Variants in FRMD5 observed in about 807,000 individuals in gnomAD.
The protein encoded by FRMD5 is FERM domain-containing protein 5.
A neutral mutation model predicts 69.0 loss-of-function variants in FRMD5; 20 were observed. That is an observed-to-expected ratio of 0.29 (90% CI 0.20 to 0.42). The LOEUF (loss-of-function observed/expected upper bound fraction) is 0.42. Ranked by LOEUF, FRMD5 falls within the 10% of genes least tolerant of loss-of-function variation. FRMD5 has a pLI of 1.00. For missense variants in FRMD5, 595 were observed against 708.6 expected, an observed-to-expected ratio of 0.84 and a Z score of 1.82; for synonymous variants, 271 against 260.1, an observed-to-expected ratio of 1.04 and a Z score of -0.40.
chr15:43,955,961 C>CT (rs1408450281), intron 1 of FRMD5, among the ~76,000 whole-genome samples: 1 of 152,086 alleles, frequency 6.6e-6, no homozygotes, highest in African/African-American at 2.4e-5. Context: ...GGCTAAGTAA[C>CT]TAGTACATGC....
intron 1 of FRMD5, among the ~76,000 whole-genome samples, chr15:44,176,899 C>G (rs1168001730): frequency 6.7e-6 from 1 of 149,392 alleles, no homozygotes; most frequent in Admixed American, 6.7e-5. Flanking sequence ...CTAACCTGCA[C>G]ATTGTGCACA....
chr15:44,188,948 G>T (rs974553047), intron 1 of FRMD5, among the ~76,000 whole-genome samples: 4 of 152,076 alleles, frequency 2.6e-5, no homozygotes, highest in Middle Eastern at 3.4e-3. Flanking sequence ...AAGGGTGGGG[G>T]GTTGAAAGCT....
At chr15:43,877,747 T>G (rs964509900) in intron 13 of FRMD5, among the ~76,000 whole-genome samples, 2 of 152,266 alleles carry the variant, frequency 1.3e-5, no homozygotes, top group East Asian at 3.8e-4. Flanking sequence ...CTTTCATCTT[T>G]TTAAAGCACT....
At chr15:44,085,737 C>G (rs1894171256) in intron 1 of FRMD5, among the ~76,000 whole-genome samples, 1 of 152,044 alleles carries the variant, frequency 6.6e-6, no homozygotes, top group African/African-American at 2.4e-5. Context: ...TTTGAGGTAA[C>G]CAAACCTGAG....
chr15:44,042,700 C>A (rs974536563), intron 1 of FRMD5, among the ~76,000 whole-genome samples: 1 of 152,178 alleles, frequency 6.6e-6, no homozygotes, highest in African/African-American at 2.4e-5. Context: ...TCAATAGATG[C>A]AGAAAAGGCC....
chr15:44,073,079 A>C (rs986334894), intron 1 of FRMD5, among the ~76,000 whole-genome samples: 15 of 152,176 alleles, frequency 9.9e-5, no homozygotes, highest in African/African-American at 3.1e-4. Flanking sequence ...GGTTAGAGTG[A>C]GCTATTGATC....
At chr15:44,176,996 T>C (rs1414451320) in intron 1 of FRMD5, among the ~76,000 whole-genome samples, 1 of 140,600 alleles carries the variant, frequency 7.1e-6, no homozygotes, top group African/African-American at 2.7e-5. Context: ...AGGCAGACAA[T>C]AGTGAGGATT....
intron 1 of FRMD5, among the ~76,000 whole-genome samples, chr15:44,120,025 T>G (rs2076924663): frequency 6.6e-6 from 1 of 152,158 alleles, no homozygotes; most frequent in Non-Finnish European, 1.5e-5. Context: ...GTCCCAGAGA[T>G]GTACAGATAG....
At chr15:43,922,073 C>T (rs1015383458) in intron 2 of FRMD5, among the ~76,000 whole-genome samples, 2 of 152,226 alleles carry the variant, frequency 1.3e-5, no homozygotes, top group African/African-American at 4.8e-5. Flanking sequence ...CATTTCCCTA[C>T]AACCCTCAGT....
intron 1 of FRMD5, among the ~76,000 whole-genome samples, chr15:44,159,693 G>C (rs1002449166): frequency 2.0e-5 from 3 of 152,178 alleles, no homozygotes; most frequent in African/African-American, 7.2e-5. Flanking sequence ...TTCTTGCTTT[G>C]ATCTGCCAAG....
intron 1 of FRMD5, among the ~76,000 whole-genome samples, chr15:44,167,141 C>T (rs1225788638): frequency 6.6e-6 from 1 of 152,100 alleles, no homozygotes; most frequent in Non-Finnish European, 1.5e-5. Context: ...ATATTGGCTG[C>T]CCAGAGCGCT....
At chr15:44,152,922 T>C (rs2077469648) in intron 1 of FRMD5, among the ~76,000 whole-genome samples, 1 of 151,972 alleles carries the variant, frequency 6.6e-6, no homozygotes, top group African/African-American at 2.4e-5. Context: ...TAGACATTTC[T>C]TCAAAGAAGA....
At position 44,038,704 on chromosome 15, in the gene FRMD5, C is replaced by T. The variant is rs974570937; in HGVS notation, c.103-114395G>A. On this transcript the variant is annotated intron_variant, in intron 1 of 13. Transcript: ENST00000417257. ...GACAGTGGGTGCAGCCCACAGAGGGCGAGCTGAAGCAGGGTGGGGCATTGC... is the reference window on the plus strand; with the variant it reads ...GACAGTGGGTGCAGCCCACAGAGGGTGAGCTGAAGCAGGGTGGGGCATTGC... Among the ~76,000 whole-genome samples the T allele has an allele frequency of 8.6e-5, 13 of 151,706 alleles. No homozygotes were observed. In the East Asian group the frequency reaches 9.7e-4, roughly 11 times the overall value.
chr15:44,033,257 G>A (rs1038295987), intron 1 of FRMD5, among the ~76,000 whole-genome samples: 2 of 152,092 alleles, frequency 1.3e-5, no homozygotes, highest in African/African-American at 4.8e-5. Context: ...AGGATGCGAG[G>A]AGAGAAAGGA....
At chr15:43,990,417 T>C (rs1476061311) in intron 1 of FRMD5, among the ~76,000 whole-genome samples, 1 of 152,254 alleles carries the variant, frequency 6.6e-6, no homozygotes, top group African/African-American at 2.4e-5. Flanking sequence ...TTATTTATAA[T>C]GTTTTAAATT....
intron 8 of FRMD5, among the ~76,000 whole-genome samples, chr15:43,890,510 T>G (rs2088769038): frequency 6.6e-6 from 1 of 152,208 alleles, no homozygotes; most frequent in African/African-American, 2.4e-5. Context: ...AATGTGGATC[T>G]GGGCCCTCTA....
intron 2 of FRMD5, among the ~76,000 whole-genome samples, chr15:43,923,447 T>G (rs1464084130): frequency 6.6e-6 from 1 of 151,930 alleles, no homozygotes; most frequent in Non-Finnish European, 1.5e-5. Context: ...AGACCTTAAG[T>G]GTGAAAAGGA....
intron 13 of FRMD5, among the ~76,000 whole-genome samples, chr15:43,877,595 AG>A (rs986999077): frequency 2.6e-5 from 4 of 152,246 alleles, no homozygotes; most frequent in African/African-American, 9.6e-5. Context: ...GGGCAAAGGC[AG>A]GGCACCTGCC....
Position 43,872,448 on chromosome 15 carries a change from A to C in FRMD5, c.*1437T>G, listed in dbSNP as rs774039502. 2.0e-5 allele frequency: 3 copies of C among 152,122 alleles called. No homozygotes were observed. The highest frequency in any genetic ancestry group is 6.5e-5 in the Admixed American group (1 of 15,276). The allele number at this position is 152,122 out of a possible 1,614,324, so 9.4% of individuals were successfully genotyped here. The stretch of plus-strand genomic sequence containing the variant: ...CCCTCAAGCCCCAGATGACTTAGAA[A>C]TCTCTCCCTGAGATGAAAACAGGAT... On this transcript the variant is annotated 3_prime_UTR_variant, in exon 14 of 14. Coordinates refer to ENST00000417257, the MANE Select transcript of FRMD5 (RefSeq NM_032892.5).
Sources: gnomAD v4.1 joint callset for allele counts (sites outside exome capture counted in the v4.1 genomes callset) on GRCh38, gnomAD v4.1.1 for gene constraint, MANE v1.5 for transcripts, NCBI Gene and HGNC (gene_info 2026-07-23, HGNC 2026-07-21) for gene names.